Variants in ZFPM1 observed in about 807,000 individuals in gnomAD.
ZFPM1 encodes zinc finger protein ZFPM1.
Under a neutral mutation model 46.3 loss-of-function variants are expected in ZFPM1, and 28 were observed. The ratio of observed to expected loss-of-function variants is 0.60; its 90% CI spans 0.45 to 0.83. The LOEUF is 0.83. Ranked by LOEUF, ZFPM1 falls within the 40% of genes least tolerant of loss-of-function variation. The pLI is 0.00. For missense variants in ZFPM1, 1,878 were observed against 1,432.4 expected (o/e 1.31, Z -5.02); for synonymous variants, 957 against 675.9 (o/e 1.42, Z -6.45).
chr16:88,469,255 C>T lies in ZFPM1; in HGVS notation c.40+15577C>T, dbSNP rs1475869663. Among the ~76,000 whole-genome samples the T allele has an allele frequency of 6.6e-6, 1 of 152,210 alleles. No homozygotes were observed. The highest frequency in any genetic ancestry group is 2.4e-5 in the African/African-American group (1 of 41,446). ...CCAAGCTTCTGAAGTGCCGGCCGGG[C>T]CAGGGACGTGGCACCATCTTAATGA... On this transcript the variant is annotated intron_variant, in intron 1 of 9. Transcript: ENST00000319555. The surrounding 1 kb of genome is among the most constrained non-coding windows in gnomAD (Gnocchi z 4.3).
chr16:88,526,951 C>T, intron 5 of ZFPM1, 35 bp downstream of exon 5: 1 of 1,536,308 alleles, frequency 6.5e-7, no homozygotes, highest in Non-Finnish European at 8.8e-7. Context: ...CCCAAGCCTT[C>T]CGGAAGGTGG....
chr16:88,465,344 C>T (rs559138037), intron 1 of ZFPM1, among the ~76,000 whole-genome samples: 9 of 152,372 alleles, frequency 5.9e-5, no homozygotes, highest in East Asian at 1.9e-4. Context: ...AGCCCTCTGT[C>T]GGGGAAGTGC....
In ZFPM1 at chr16:88,532,635, T is replaced by C. The variant is rs773642484; in HGVS notation, c.968T>C (p.Leu323Pro). The C allele has an allele frequency of 1.9e-6, 3 of 1,581,238 alleles. No individual in the cohort carries two copies. Among genetic ancestry groups the C allele is most frequent in the South Asian group, 1.1e-5 (1 of 87,834 alleles). ...SHSGERPFVC[L>P]ICLSAFTTKA... ...CCAGGAGAGCGGCCCTTCGTGTGCC[T>C]GATCTGCCTGTCGGCCTTCACCACC... The change falls in exon 8 of 10, where the codon CTG (leucine) becomes CCG (proline). Residue 323 changes from leucine to proline, a missense_variant. Physicochemically the swap from Leu to Pro is moderately conservative, Grantham distance 98 (BLOSUM62 -3). Coordinates refer to ENST00000319555, the MANE Select transcript of ZFPM1 (RefSeq NM_153813.3).
At chr16:88,459,534 T>G (rs1355468622) in intron 1 of ZFPM1, among the ~76,000 whole-genome samples, 1 of 105,932 alleles carries the variant, frequency 9.4e-6, no homozygotes. Flanking sequence ...ACCCTTCTCC[T>G]TCCTCCCCTT....
chr16:88,528,072 G>C lies in ZFPM1; in HGVS notation c.546G>C (p.Ala182=). ...LWCRVTKPVP[A]GGLLSVLLTA... ...GCAGGGTCACCAAGCCGGTGCCTGC[G>C]GGGGGACTCCTGAGCGTGCTCCTCA... Residue 182 remains alanine (A), a synonymous_variant, in exon 6 of 10, where the codon GCG becomes GCC. Transcript: ENST00000319555. 1.3e-6 allele frequency: 2 copies of C among 1,564,576 alleles called. No individual in the cohort carries two copies. Among genetic ancestry groups the C allele is most frequent in the Non-Finnish European group, 1.7e-6 (2 of 1,154,816 alleles).
chr16:88,492,088 C>T (rs1909613018), intron 3 of ZFPM1, among the ~76,000 whole-genome samples: 1 of 152,062 alleles, frequency 6.6e-6, no homozygotes, highest in African/African-American at 2.4e-5. Context: ...GAGCCCCTCT[C>T]TCTCTCCCCA....
At position 88,534,159 on chromosome 16, in the gene ZFPM1, C is replaced by T; in HGVS notation, c.2201C>T (p.Pro734Leu). Residue 734 changes from proline to leucine, a missense_variant, in exon 10 of 10, where the codon CCC becomes CTC. Coordinates refer to ENST00000319555, the MANE Select transcript of ZFPM1 (RefSeq NM_153813.3). The stretch of plus-strand genomic sequence containing the variant: ...CCGGCCGCGCCCCCGGCCCCCTCTC[C>T]CGCCGCGCCTGTGCGCACGCGCAGA... The part of the protein sequence containing the change: ...PGPAAPPAPS[P>L]AAPVRTRRRR... 1.0e-6 allele frequency: 1 copy of T among 1,000,500 alleles called. No homozygotes were observed. The highest frequency in any genetic ancestry group is 1.2e-6 in the Non-Finnish European group (1 of 842,714). The allele number at this position is 1,000,500 out of a possible 1,614,324, so 62.0% of individuals were successfully genotyped here.
intron 4 of ZFPM1, among the ~76,000 whole-genome samples, chr16:88,519,984 G>A (rs1730478561): frequency 6.6e-6 from 1 of 150,384 alleles, no homozygotes; most frequent in Non-Finnish European, 1.5e-5. Context: ...GTGGGTAGGT[G>A]GATGGATGGG....
intron 1 of ZFPM1, among the ~76,000 whole-genome samples, chr16:88,482,369 G>A (rs561637176): frequency 1.7e-3 from 252 of 152,282 alleles, no homozygotes; most frequent in African/African-American, 5.8e-3. Context: ...CATCCACCTC[G>A]ACACATCCTA....
intron 1 of ZFPM1, among the ~76,000 whole-genome samples, chr16:88,470,483 G>A (rs1908365699): frequency 6.6e-6 from 1 of 152,068 alleles, no homozygotes; most frequent in Non-Finnish European, 1.5e-5. Flanking sequence ...GACTGGTGGT[G>A]TGGAGGGCCG....
chr16:88,454,625 G>C (rs557736819), intron 1 of ZFPM1, among the ~76,000 whole-genome samples: 5 of 152,272 alleles, frequency 3.3e-5, no homozygotes, highest in Non-Finnish European at 7.3e-5. Context: ...TGAGAACTAA[G>C]CTGTCGGGGC....
chr16:88,453,780 G>C (rs1301010008), intron 1 of ZFPM1, 102 bp downstream of exon 1: 5 of 702,568 alleles, frequency 7.1e-6, no homozygotes, highest in African/African-American at 5.8e-5. Flanking sequence ...CCTGGGCGCC[G>C]GCGACCTTCA....
chr16:88,534,584 G>T lies in ZFPM1; in HGVS notation c.2626G>T (p.Ala876Ser). 7.9e-7 allele frequency: 1 copy of T among 1,267,666 alleles called. No homozygotes were observed. The highest frequency in any genetic ancestry group is 1.0e-6 in the Non-Finnish European group (1 of 1,004,942). The allele number at this position is 1,267,666 out of a possible 1,614,324, so 78.5% of individuals were successfully genotyped here. A position where few individuals can be genotyped will look rare whatever the true frequency, so the allele number is the denominator to read the frequency against. ...RGDLLEHFRL[A>S]HGLLLGAPLA... ...GGACCTGCTGGAGCATTTCCGCCTG[G>T]CGCACGGCCTGCTGCTCGGCGCGCC... Residue 876 changes from alanine (A) to serine (S), a missense_variant, in exon 10 of 10, where the codon GCG (alanine) becomes TCG (serine). Coordinates refer to ENST00000319555, the MANE Select transcript of ZFPM1 (RefSeq NM_153813.3).
chr16:88,488,136 C>T (rs554872663), intron 2 of ZFPM1, among the ~76,000 whole-genome samples: 35 of 152,348 alleles, frequency 2.3e-4, no homozygotes, highest in Admixed American at 1.9e-3. Context: ...CTGTCACCGC[C>T]GCCAGCCTTA....
intron 4 of ZFPM1, among the ~76,000 whole-genome samples, chr16:88,522,419 C>T (rs1281971708): frequency 6.6e-6 from 1 of 152,220 alleles, no homozygotes; most frequent in Non-Finnish European, 1.5e-5. Flanking sequence ...TGCTGGCCCA[C>T]TACCCCGCAG....
intron 3 of ZFPM1, among the ~76,000 whole-genome samples, chr16:88,494,424 C>G (rs890361212): frequency 6.6e-6 from 1 of 152,098 alleles, no homozygotes; most frequent in Non-Finnish European, 1.5e-5. Flanking sequence ...AGTGCGGCCC[C>G]GCTGTCCAAA....
At chr16:88,518,761 ATGG>A (rs1231323245) in intron 4 of ZFPM1, among the ~76,000 whole-genome samples, 3 of 131,290 alleles carry the variant, frequency 2.3e-5, no homozygotes, top group African/African-American at 8.7e-5. Flanking sequence ...GGATGGATGG[ATGG>A]ATGGATGGAT....
intron 3 of ZFPM1, among the ~76,000 whole-genome samples, chr16:88,507,668 G>T (rs764623549): frequency 6.6e-6 from 1 of 152,214 alleles, no homozygotes; most frequent in Non-Finnish European, 1.5e-5. Context: ...ATCCAGCTCC[G>T]GCAGATGTGG....
rs1288919819 is a variant in ZFPM1 at position 88,510,644 on chromosome 16, T to A, written c.269-3743T>A. Among the ~76,000 whole-genome samples the A allele has an allele frequency of 4.6e-5, 7 of 151,926 alleles. No homozygotes were observed. In the East Asian group the frequency reaches 1.4e-3, roughly 29 times the overall value. On this transcript the variant is annotated intron_variant, in intron 3 of 9. Coordinates refer to ENST00000319555, the MANE Select transcript of ZFPM1 (RefSeq NM_153813.3). Reference sequence around the variant, plus strand: ...CCATTCCCCTGGCTGGGCTCACCCATGCGGCCTAGGTCCCGCCCCCTCCTC... The same window carrying A: ...CCATTCCCCTGGCTGGGCTCACCCAAGCGGCCTAGGTCCCGCCCCCTCCTC...
Sources: allele counts gnomAD v4.1 joint callset (sites outside exome capture counted in the v4.1 genomes callset), GRCh38; gene constraint gnomAD v4.1.1; non-coding constraint Gnocchi (gnomAD v3.1); transcripts MANE v1.5; gene names NCBI Gene and HGNC (gene_info 2026-07-23, HGNC 2026-07-21).